MYCBPAP: variants seen among roughly 807,000 people sequenced by gnomAD.
MYCBPAP encodes MYCBP associated protein.
MYCBPAP carries 60 observed loss-of-function variants against 106.1 expected under a neutral mutation model. That is an observed-to-expected ratio of 0.57 (90% CI 0.46 to 0.70). The LOEUF (loss-of-function observed/expected upper bound fraction) is 0.70, where lower values mean the gene tolerates loss of function less well. MYCBPAP is among the 30% of genes least tolerant of loss of function. The probability of loss-of-function intolerance (pLI) is 0.00; values close to 1 mark genes in which losing one functional copy is unlikely to be tolerated. For missense variants in MYCBPAP, 1,064 were observed against 1,169.3 expected, an observed-to-expected ratio of 0.91 and a Z score of 1.31; for synonymous variants, 407 against 440.6, an observed-to-expected ratio of 0.92 and a Z score of 0.95.
intron 14 of MYCBPAP, 73 bp downstream of exon 14, chr17:50,526,340 C>G: frequency 6.7e-7 from 1 of 1,482,460 alleles, no homozygotes; most frequent in Non-Finnish European, 9.0e-7. Context: ...GACCCAGCAG[C>G]CCCTCTTGCT....
chr17:50,520,506 A>AAAATAAATAAATAAATAAAT (rs71146993), intron 7 of MYCBPAP, among the ~76,000 whole-genome samples: 2 of 151,060 alleles, frequency 1.3e-5, no homozygotes, highest in African/African-American at 4.9e-5. Flanking sequence ...ACTCTGTCTT[A>AAAATAAATAAATAAATAAAT]AAATAAATAA....
chr17:50,516,720 C>T, intron 2 of MYCBPAP, 23 bp downstream of exon 2: 1 of 1,612,994 alleles, frequency 6.2e-7, no homozygotes, highest in South Asian at 1.1e-5. Context: ...CCCAAGCTTC[C>T]CTTACCATAG....
At position 50,529,244 on chromosome 17, in the gene MYCBPAP, C is replaced by T. The variant is rs755584869; in HGVS notation, c.2724+56C>T. The stretch of plus-strand genomic sequence containing the variant: ...TGCCTCCCACCTGCCTTATTCATTC[C>T]GTTCAGTCTGCAGACAATAAGTGCC... On this transcript the variant is annotated intron_variant, in intron 18 of 18. Coordinates refer to ENST00000323776, the MANE Select transcript of MYCBPAP (RefSeq NM_032133.6). The T allele has an allele frequency of 5.9e-6, 9 of 1,537,252 alleles. No individual in the cohort carries two copies. The South Asian group carries it at 8.3e-5, about 14-fold the overall frequency.
At chr17:50,528,395 G>A in intron 16 of MYCBPAP, 125 bp downstream of exon 16, 2 of 893,040 alleles carry the variant, frequency 2.2e-6, no homozygotes, top group South Asian at 1.6e-5. Flanking sequence ...AGCCCATGGA[G>A]TAGGCCCCTT....
chr17:50,517,652 G>T lies in MYCBPAP; in HGVS notation c.422G>T (p.Ser141Ile), dbSNP rs565867401. The part of the protein sequence containing the change: ...DQILPHHILG[S>I]LQDFKRIALA... The stretch of plus-strand genomic sequence containing the variant: ...ATCCTGCCCCACCACATCTTGGGGA[G>T]TCTCCAGGATTTTAAGAGAATTGCA... The change falls in exon 4 of 19, where the codon AGT (serine) becomes ATT (isoleucine). Residue 141 changes from serine to isoleucine, a missense_variant. By Grantham distance (142) the Ser-to-Ile change is moderately radical. Coordinates refer to ENST00000323776, the MANE Select transcript of MYCBPAP (RefSeq NM_032133.6). 3.2e-5 allele frequency: 52 copies of T among 1,614,204 alleles called. No individual in the cohort carries two copies. The East Asian group carries it at 1.1e-3, about 33-fold the overall frequency.
chr17:50,528,386 G>T, intron 16 of MYCBPAP, 116 bp downstream of exon 16: 1 of 971,248 alleles, frequency 1.0e-6, no homozygotes, highest in South Asian at 1.5e-5. Flanking sequence ...GCTAGGTTGA[G>T]CCCATGGAGT....
Position 50,518,565 on chromosome 17 carries a change from C to A in MYCBPAP, c.493C>A (p.Pro165Thr), listed in dbSNP as rs1212416904. 2 of 1,591,558 alleles carry A rather than the reference C, an allele frequency of 1.3e-6. No individual in the cohort carries two copies. Among genetic ancestry groups the A allele is most frequent in the East Asian group, 2.2e-5 (1 of 44,830 alleles). The change falls in exon 5 of 19, where the codon CCC (proline) becomes ACC (threonine). Residue 165 changes from proline to threonine, a missense_variant. Coordinates refer to ENST00000323776, the MANE Select transcript of MYCBPAP (RefSeq NM_032133.6). ...GCTGGCTGAGCGGATACCTACCTCA[C>A]CCTGTCTGATGACCCTCATCTCTGC... ...TQLAERIPTSPCLMTLISAEG... is the reference protein window; with the variant it reads ...TQLAERIPTSTCLMTLISAEG...
chr17:50,528,097 G>A (rs1305296353), intron 15 of MYCBPAP, 58 bp from the exon 16 acceptor site: 2 of 1,463,402 alleles, frequency 1.4e-6, no homozygotes, highest in Non-Finnish European at 1.9e-6. Context: ...CCAAGCCTCT[G>A]CAGGTTCAAG....
Position 50,529,189 on chromosome 17 carries a change from G to A in MYCBPAP, c.2724+1G>A. 3 of 1,609,758 alleles carry A rather than the reference G, an allele frequency of 1.9e-6. No homozygotes were observed. Among genetic ancestry groups the A allele is most frequent in the Non-Finnish European group, 2.5e-6 (3 of 1,179,170 alleles). ...ATACACCCAGAGCCTGCACAGTGAG[G>A]TGAAGGGAAGCGCCCAGCAGCCATT... On this transcript the variant is annotated splice_donor_variant, in intron 18 of 18. Transcript: ENST00000323776. LOFTEE classifies it high-confidence loss of function.
rs61749932 is a variant in MYCBPAP, at chr17:50,522,977, C to A, written c.1296C>A (p.Thr432=). Residue 432 remains threonine (T), a synonymous_variant, in exon 11 of 19, where the codon ACC becomes ACA. Transcript: ENST00000323776. ...VGIAAHLTFE[T]LEGEKTSSEL... Reference sequence around the variant, plus strand: ...TTGCTGCTCACTTGACCTTTGAAACCCTAGAAGGCGAGAAAACCTCCTCAG... The same window carrying A: ...TTGCTGCTCACTTGACCTTTGAAACACTAGAAGGCGAGAAAACCTCCTCAG... 2,224 of 1,613,650 alleles carry A rather than the reference C, an allele frequency of 1.4e-3. 26 individuals carry two copies. The African/African-American group carries it at 0.027, about 19-fold the overall frequency.
intron 11 of MYCBPAP, 85 bp from the exon 12 acceptor site, chr17:50,523,512 T>A (rs2034351693): frequency 7.1e-7 from 1 of 1,406,368 alleles, no homozygotes; most frequent in African/African-American, 1.4e-5. Context: ...GGCCTGGGAC[T>A]CAGTTAACTG....
intron 1 of MYCBPAP, among the ~76,000 whole-genome samples, chr17:50,511,271 G>A (rs995799269): frequency 6.6e-6 from 1 of 151,912 alleles, no homozygotes; most frequent in African/African-American, 2.4e-5. Context: ...TGTTTCTCGG[G>A]ACCTGAGAGC....
At chr17:50,516,053 G>A (rs748993790) in intron 1 of MYCBPAP, 2 of 153,544 alleles carry the variant, frequency 1.3e-5, no homozygotes, top group Non-Finnish European at 2.9e-5. Context: ...GCAGTCACAC[G>A]ATCTCAGCTC....
In MYCBPAP at chr17:50,508,582, C is replaced by A. The variant is rs770658579; in HGVS notation, c.-93C>A. ...CGCGCGGGGCACCGGTTGCTGTGGA[C>A]GCAGTGGCGGCCGTTGGCTGGCGGG... On this transcript the variant is annotated 5_prime_UTR_variant, in exon 1 of 19. Transcript: ENST00000323776. 3.0e-5 allele frequency: 47 copies of A among 1,553,508 alleles called. No individual in the cohort carries two copies. The highest frequency in any genetic ancestry group is 4.0e-5 in the Non-Finnish European group (46 of 1,148,040).
At position 50,524,737 on chromosome 17, in the gene MYCBPAP, T is replaced by TGTGTGTGAGAGAGAGAGA. The variant is rs373928628; in HGVS notation, c.1636-139_1636-138insTGTGTGAGAGAGAGAGAG. On this transcript the variant is annotated intron_variant, in intron 12 of 18. Transcript: ENST00000323776. Reference sequence around the variant, plus strand: ...GTGTGTGTGTGTGTGTGTGTGTGTGTGAGAGAGAGAGAGAGAGAGAGACAA... The same window carrying TGTGTGTGAGAGAGAGAGA: ...GTGTGTGTGTGTGTGTGTGTGTGTGTGTGTGTGAGAGAGAGAGAGAGAGAGAGAGAGAGAGAGAGACAA... The TGTGTGTGAGAGAGAGAGA allele has an allele frequency of 6.0e-4, 280 of 463,640 alleles. No individual in the cohort carries two copies. In the African/African-American group the frequency reaches 6.7e-3, roughly 11 times the overall value. The allele number at this position is 463,640 out of a possible 1,614,324, so 28.7% of individuals were successfully genotyped here.
At chr17:50,514,835 T>G (rs1187693140) in intron 1 of MYCBPAP, 1 of 397,266 alleles carries the variant, frequency 2.5e-6, no homozygotes, top group South Asian at 1.8e-5. Flanking sequence ...TTTTTTGATT[T>G]TTTTTATAGA....
At position 50,526,603 on chromosome 17, in the gene MYCBPAP, G is replaced by T. The variant is rs371214003; in HGVS notation, c.2169+336G>T. Among the ~76,000 whole-genome samples the T allele has an allele frequency of 3.5e-5, 5 of 143,114 alleles. No individual in the cohort carries two copies. In the East Asian group the frequency reaches 8.3e-4, roughly 24 times the overall value. 93.9% of individuals were successfully genotyped at this position (143,114 alleles called of 152,430 possible). The stretch of plus-strand genomic sequence containing the variant: ...CCACACCTGGCTAATTTTTTTTTTT[G>T]ATGGAATCTTGCTGTGTTGCCCAGG... On this transcript the variant is annotated intron_variant, in intron 14 of 18. Transcript: ENST00000323776.
At position 50,517,277 on chromosome 17, in the gene MYCBPAP, T is replaced by C; in HGVS notation, c.205-16T>C. ...CCACCACAGGTGGAATTCTCCTTTGTTTTATTTCTTTTTAGCAACACATTC... is the reference window on the plus strand; with the variant it reads ...CCACCACAGGTGGAATTCTCCTTTGCTTTATTTCTTTTTAGCAACACATTC... On this transcript the variant is annotated splice_polypyrimidine_tract_variant and intron_variant, in intron 2 of 18. Transcript: ENST00000323776. 1 of 1,613,582 alleles carries C rather than the reference T, an allele frequency of 6.2e-7. No individual in the cohort carries two copies. The highest frequency in any genetic ancestry group is 8.5e-7 in the Non-Finnish European group (1 of 1,179,546).
intron 14 of MYCBPAP, 21 bp downstream of exon 14, chr17:50,526,288 G>A (rs751949665): frequency 9.6e-6 from 15 of 1,568,280 alleles, no homozygotes; most frequent in Non-Finnish European, 1.0e-5. Flanking sequence ...GACCCTGGAA[G>A]GCAATGGTAG....
Sources: gnomAD v4.1 joint callset for allele counts (sites outside exome capture counted in the v4.1 genomes callset) on GRCh38, gnomAD v4.1.1 for gene constraint, MANE v1.5 for transcripts, NCBI Gene and HGNC (gene_info 2026-07-23, HGNC 2026-07-21) for gene names.